The following ANKRD11 variants were observed in gnomAD, a reference collection of about 807,000 sequenced individuals.
The protein encoded by ANKRD11 is ankyrin repeat domain-containing protein 11.
ANKRD11 carries 17 observed loss-of-function variants against 195.7 expected under a neutral mutation model. That is an observed-to-expected ratio of 0.09 (90% CI 0.06 to 0.13). The LOEUF (loss-of-function observed/expected upper bound fraction) is 0.13, where lower values mean the gene tolerates loss of function less well. ANKRD11 is among the 10% of genes least tolerant of loss of function. The probability of loss-of-function intolerance (pLI) is 1.00; values close to 1 mark genes in which losing one functional copy is unlikely to be tolerated. For synonymous variants in ANKRD11, 1,953 were observed against 1,528.1 expected (o/e 1.28, Z -6.49); for missense variants, 3,735 against 3,566.1 (o/e 1.05, Z -1.21).
intron 2 of ANKRD11, among the ~76,000 whole-genome samples, chr16:89,326,613 G>GC (rs1259978892): frequency 6.6e-6 from 1 of 151,984 alleles, no homozygotes; most frequent in Non-Finnish European, 1.5e-5. Context: ...GAGGTGGCAC[G>GC]CACCTGTAAT....
chr16:89,282,661 T>C lies in ANKRD11; in HGVS notation c.3881A>G (p.Glu1294Gly), dbSNP rs1445004691. Residue 1294 changes from glutamate to glycine, a missense_variant, in exon 9 of 13, where the codon GAA (glutamate) becomes GGA (glycine). Glu to Gly is a moderately conservative substitution (Grantham distance 98). Coordinates refer to ENST00000301030, the MANE Select transcript of ANKRD11 (RefSeq NM_013275.6). ...LEEEALHEYR[E>G]DSNDKISEVS... ...CTCGCTGATTTTATCGTTGGAGTCT[T>C]CTCTGTACTCATGGAGAGCCTCTTC... 2 of 1,614,048 alleles carry C rather than the reference T, an allele frequency of 1.2e-6. No homozygotes were observed. The highest frequency in any genetic ancestry group is 1.7e-6 in the Non-Finnish European group (2 of 1,180,056).
chr16:89,288,327 G>A (rs1001110586), intron 7 of ANKRD11: 23 of 818,692 alleles, frequency 2.8e-5, no homozygotes, highest in Non-Finnish European at 4.4e-5. Context: ...TGGGAAACCT[G>A]TGAGAGGCCG....
chr16:89,457,503 C>A (rs1353139776), intron 1 of ANKRD11, among the ~76,000 whole-genome samples: 5 of 148,506 alleles, frequency 3.4e-5, no homozygotes, highest in Non-Finnish European at 5.9e-5. Context: ...GAGGCTAGGG[C>A]AGAAGAATCA....
rs994743711 is a variant in ANKRD11 at position 89,289,986 on chromosome 16, C to T, written c.601+639G>A. Among the ~76,000 whole-genome samples, 7 of 152,356 alleles carry T rather than the reference C, an allele frequency of 4.6e-5. No individual in the cohort carries two copies. The East Asian group carries it at 1.3e-3, about 29-fold the overall frequency. ...TCAAAGCTTCAGTGAGTCGTGATCA[C>T]GCCACTGCACTCCAGCCTGAGCAAC... On this transcript the variant is annotated intron_variant, in intron 6 of 12. Transcript: ENST00000301030.
intron 6 of ANKRD11, among the ~76,000 whole-genome samples, chr16:89,290,016 C>A (rs984435584): frequency 3.3e-5 from 5 of 152,214 alleles, no homozygotes; most frequent in African/African-American, 9.7e-5. Context: ...AGCAACAGAG[C>A]GAGACCCTAT....
At chr16:89,304,537 TACACACAAGCACATACACGGGC>T (rs1484914580) in intron 4 of ANKRD11, among the ~76,000 whole-genome samples, 2 of 138,070 alleles carry the variant, frequency 1.4e-5, no homozygotes, top group African/African-American at 5.6e-5. Context: ...CACACATGGG[TACACACAAGCACATACACGGGC>T]ACACACATAC....
chr16:89,414,458 T>C (rs920569298), intron 2 of ANKRD11, among the ~76,000 whole-genome samples: 1 of 152,164 alleles, frequency 6.6e-6, no homozygotes, highest in African/African-American at 2.4e-5. Flanking sequence ...AACCCTTCTG[T>C]TTTGCCAAGA....
chr16:89,316,719 G>A (rs377080072), intron 3 of ANKRD11, among the ~76,000 whole-genome samples: 2 of 152,176 alleles, frequency 1.3e-5, no homozygotes, highest in African/African-American at 4.8e-5. Flanking sequence ...ATTATTTAAC[G>A]CTTGACTTCG....
intron 6 of ANKRD11, among the ~76,000 whole-genome samples, chr16:89,289,787 T>A (rs1435773202): frequency 6.6e-6 from 1 of 152,172 alleles, no homozygotes; most frequent in Non-Finnish European, 1.5e-5. Context: ...ACAGCTATAA[T>A]CCCAGCACTT....
At chr16:89,316,782 C>A in intron 3 of ANKRD11, 151 bp downstream of exon 3, 1 of 941,832 alleles carries the variant, frequency 1.1e-6, no homozygotes, top group Non-Finnish European at 1.6e-6. Flanking sequence ...AAAGATCACT[C>A]CTCACCACCC....
chr16:89,448,882 C>G (rs1303702589), intron 1 of ANKRD11, among the ~76,000 whole-genome samples: 3 of 152,162 alleles, frequency 2.0e-5, no homozygotes, highest in Admixed American at 6.5e-5. Flanking sequence ...CTGGCTCACT[C>G]CATGAGCACA....
At position 89,275,141 on chromosome 16, in the gene ANKRD11, C is replaced by T; in HGVS notation, c.7521G>A (p.Gln2507=). The change falls in exon 10 of 13, where the codon CAG becomes CAA. Residue 2507 remains glutamine, a synonymous_variant. Coordinates refer to ENST00000301030, the MANE Select transcript of ANKRD11 (RefSeq NM_013275.6). ...GCAGCTTTCCCCGGACGGCCTCCTGCTGCCTGAACAGCTCCTTCAGGGGCT... is the reference window on the plus strand; with the variant it reads ...GCAGCTTTCCCCGGACGGCCTCCTGTTGCCTGAACAGCTCCTTCAGGGGCT... ...LAEPLKELFR[Q]QEAVRGKLRL... The T allele has an allele frequency of 1.2e-6, 2 of 1,611,916 alleles. No homozygotes were observed. Among genetic ancestry groups the T allele is most frequent in the Non-Finnish European group, 1.7e-6 (2 of 1,179,332 alleles).
At chr16:89,295,248 C>G (rs143927460) in intron 4 of ANKRD11, among the ~76,000 whole-genome samples, 2 of 152,172 alleles carry the variant, frequency 1.3e-5, no homozygotes, top group African/African-American at 4.8e-5. Flanking sequence ...GCTCAGGCAG[C>G]CTGGGGCTGA....
At chr16:89,342,729 TA>T (rs1180999785) in intron 2 of ANKRD11, among the ~76,000 whole-genome samples, 1 of 152,250 alleles carries the variant, frequency 6.6e-6, no homozygotes, top group East Asian at 1.9e-4. Flanking sequence ...TACTTCTCAC[TA>T]TAGTCCTCAT....
intron 1 of ANKRD11, among the ~76,000 whole-genome samples, chr16:89,438,976 A>G (rs1293610776): frequency 6.6e-5 from 10 of 152,082 alleles, no homozygotes; most frequent in Admixed American, 6.6e-4. Flanking sequence ...TGAACGACAG[A>G]GCAAGACCCT....
At chr16:89,292,702 G>A (rs2035142545) in intron 4 of ANKRD11, among the ~76,000 whole-genome samples, 1 of 152,234 alleles carries the variant, frequency 6.6e-6, no homozygotes, top group African/African-American at 2.4e-5. Context: ...GAAAGCACTT[G>A]AGCTTTGGCC....
intron 1 of ANKRD11, among the ~76,000 whole-genome samples, chr16:89,434,184 A>G (rs2043114760): frequency 6.6e-6 from 1 of 152,096 alleles, no homozygotes; most frequent in South Asian, 2.1e-4. Flanking sequence ...CCACTCACCC[A>G]TGGTGCACCC....
chr16:89,481,666 A>G (rs940834079), intron 1 of ANKRD11, among the ~76,000 whole-genome samples: 1 of 152,214 alleles, frequency 6.6e-6, no homozygotes, highest in Non-Finnish European at 1.5e-5. Context: ...ACAAGTAAGC[A>G]AATGAAATTC....
At chr16:89,377,135 G>C (rs905703844) in intron 2 of ANKRD11, among the ~76,000 whole-genome samples, 15 of 152,216 alleles carry the variant, frequency 9.9e-5, no homozygotes, top group Non-Finnish European at 1.9e-4. Context: ...AACCCCGTGA[G>C]TTCAACAGCA....
Sources: gnomAD v4.1 joint callset for allele counts (sites outside exome capture counted in the v4.1 genomes callset) on GRCh38, gnomAD v4.1.1 for gene constraint, MANE v1.5 for transcripts, NCBI Gene and HGNC (gene_info 2026-07-23, HGNC 2026-07-21) for gene names.